Variants in HDAC9 observed in about 807,000 individuals in gnomAD.
The protein encoded by HDAC9 is MEF-2 interacting transcription repressor (MITR) protein.
In HDAC9, 41 loss-of-function variants were observed where a neutral mutation model predicts 139.4. That is an observed-to-expected ratio of 0.29 (90% CI 0.23 to 0.38). HDAC9 has a LOEUF of 0.38. HDAC9 is among the 10% of genes least tolerant of loss of function. The pLI, the probability that HDAC9 is intolerant of heterozygous loss-of-function variation, is 1.00. For synonymous variants in HDAC9, 517 were observed against 476.2 expected (o/e 1.09, Z -1.12); for missense variants, 1,147 against 1,297.0 (o/e 0.88, Z 1.78).
At chr7:18,476,681 T>C (rs62446978) in intron 1 of HDAC9, among the ~76,000 whole-genome samples, 3,289 of 152,314 alleles carry the variant, frequency 0.022, 54 homozygotes, top group Non-Finnish European at 0.031. Context: ...AAAAGTCCAA[T>C]TAAATATCTT....
At chr7:18,763,829 T>TA (rs1789597303) in intron 15 of HDAC9, among the ~76,000 whole-genome samples, 1 of 152,128 alleles carries the variant, frequency 6.6e-6, no homozygotes, top group Non-Finnish European at 1.5e-5. Flanking sequence ...CCCCACTTTT[T>TA]AAAAATCTCT....
At chr7:18,615,063 C>T (rs529763637) in intron 6 of HDAC9, among the ~76,000 whole-genome samples, 28 of 152,188 alleles carry the variant, frequency 1.8e-4, no homozygotes, top group South Asian at 6.2e-4. Flanking sequence ...AATGGTTTTC[C>T]TCAGTGTCTT....
intron 17 of HDAC9, among the ~76,000 whole-genome samples, chr7:18,818,996 C>G (rs1794769288): frequency 6.6e-6 from 1 of 151,974 alleles, no homozygotes; most frequent in Non-Finnish European, 1.5e-5. Flanking sequence ...AAAAAAATGT[C>G]TAGCCAGGTA....
In HDAC9 at chr7:19,000,863, C is replaced by G. The variant is rs1481054476; in HGVS notation, c.*4801C>G. 2 of 152,152 alleles carry G rather than the reference C, an allele frequency of 1.3e-5. No homozygotes were observed. The highest frequency in any genetic ancestry group is 4.8e-5 in the African/African-American group (2 of 41,440). 9.4% of individuals were successfully genotyped at this position (152,152 alleles called of 1,614,324 possible). On this transcript the variant is annotated 3_prime_UTR_variant, in exon 26 of 26. Coordinates refer to ENST00000686413, the MANE Select transcript of HDAC9 (RefSeq NM_178425.4). ...TCAAAAGTTTCTGAAATCTCTGTTT[C>G]CTTAGTAGAAATGACCTTGACAACT...
intron 2 of HDAC9, among the ~76,000 whole-genome samples, chr7:18,547,767 A>G (rs1421478154): frequency 6.6e-6 from 1 of 151,596 alleles, no homozygotes; most frequent in East Asian, 1.9e-4. Flanking sequence ...CACAGTGTTC[A>G]CAGCATCTTC....
intron 2 of HDAC9, among the ~76,000 whole-genome samples, chr7:18,252,265 C>T (rs1441434464): frequency 2.0e-5 from 3 of 152,126 alleles, no homozygotes; most frequent in Admixed American, 6.5e-5. Flanking sequence ...TCAATGTGGC[C>T]ACTGGTTCCA....
At chr7:18,550,285 A>G (rs922684227) in intron 2 of HDAC9, among the ~76,000 whole-genome samples, 1 of 152,156 alleles carries the variant, frequency 6.6e-6, no homozygotes, top group Non-Finnish European at 1.5e-5. Context: ...TTACTGTACT[A>G]TATTCGATCC....
chr7:18,933,335 C>T (rs1045297456), intron 22 of HDAC9, among the ~76,000 whole-genome samples: 2 of 151,824 alleles, frequency 1.3e-5, no homozygotes, highest in African/African-American at 2.4e-5. Flanking sequence ...ATCTAATTTA[C>T]GAGGACTCTA....
chr7:18,632,632 G>A (rs1782681228), intron 7 of HDAC9, among the ~76,000 whole-genome samples: 1 of 152,082 alleles, frequency 6.6e-6, no homozygotes, highest in Non-Finnish European at 1.5e-5. Flanking sequence ...TACAGAAAGG[G>A]CAATGGTGGG....
chr7:18,108,649 T>G (rs1307944873), intron 1 of HDAC9, among the ~76,000 whole-genome samples: 1 of 134,720 alleles, frequency 7.4e-6, no homozygotes, highest in Non-Finnish European at 1.5e-5. Context: ...GGAGTCTCAC[T>G]CTTGCCCAGG....
At chr7:18,970,493 C>T (rs927928155) in intron 24 of HDAC9, among the ~76,000 whole-genome samples, 6 of 152,090 alleles carry the variant, frequency 3.9e-5, no homozygotes, top group African/African-American at 1.2e-4. Context: ...TTTTTATCCC[C>T]ATTTAGCCTC....
chr7:18,571,982 T>C (rs560680451), intron 2 of HDAC9, among the ~76,000 whole-genome samples: 179 of 152,048 alleles, frequency 1.2e-3, no homozygotes, highest in African/African-American at 4.0e-3. Flanking sequence ...TTTTTTTTTT[T>C]CTGTCAAAAT....
At chr7:18,708,091 C>T (rs1207361987) in intron 12 of HDAC9, among the ~76,000 whole-genome samples, 1 of 151,930 alleles carries the variant, frequency 6.6e-6, no homozygotes, top group Non-Finnish European at 1.5e-5. Flanking sequence ...ATCGCTTCAA[C>T]TGAAAAATGA....
rs115343097 is a variant in HDAC9, at chr7:18,707,940, T to C, written c.1732-19640T>C. ...GAAGCGATGAGAGCATTTTTGTATA[T>C]TGAGGGGAGACAGACAGTACATGCT... On this transcript the variant is annotated intron_variant, in intron 12 of 25. Transcript: ENST00000686413. Among the ~76,000 whole-genome samples, 572 of 151,828 alleles carry C rather than the reference T, an allele frequency of 3.8e-3. 3 individuals carry two copies. The highest frequency in any genetic ancestry group is 0.013 in the African/African-American group (550 of 41,352).
intron 6 of HDAC9, among the ~76,000 whole-genome samples, chr7:18,607,950 A>G (rs1835983865): frequency 6.6e-6 from 1 of 152,208 alleles, no homozygotes; most frequent in Non-Finnish European, 1.5e-5. Flanking sequence ...CTCATTTAGA[A>G]CAGGCAGGAC....
At chr7:18,156,843 G>A (rs934759842) in intron 1 of HDAC9, among the ~76,000 whole-genome samples, 3 of 152,126 alleles carry the variant, frequency 2.0e-5, no homozygotes, top group South Asian at 2.1e-4. Context: ...TTCAAGATAC[G>A]GCTGGGTGTG....
Position 18,496,004 on chromosome 7 carries a change from C to A in HDAC9, c.-61C>A, listed in dbSNP as rs1796837435. The A allele has an allele frequency of 7.1e-7, 1 of 1,411,418 alleles. No homozygotes were observed. Among genetic ancestry groups the A allele is most frequent in the African/African-American group, 1.4e-5 (1 of 69,098 alleles). 87.4% of individuals were successfully genotyped at this position (1,411,418 alleles called of 1,614,324 possible). A position where few individuals can be genotyped will look rare whatever the true frequency, so the allele number is the denominator to read the frequency against. ...CAGAGAGCTATAGCATCCACTCTGT[C>A]CTTTCTGCTTTGCACACAGGTTGGT... On this transcript the variant is annotated 5_prime_UTR_variant, in exon 1 of 26. Coordinates refer to ENST00000686413, the MANE Select transcript of HDAC9 (RefSeq NM_178425.4).
intron 12 of HDAC9, among the ~76,000 whole-genome samples, chr7:18,724,726 A>G (rs1321635045): frequency 6.6e-6 from 1 of 152,136 alleles, no homozygotes; most frequent in Admixed American, 6.5e-5. Flanking sequence ...TCTATCCTTG[A>G]CCAAAATGTT....
intron 2 of HDAC9, among the ~76,000 whole-genome samples, chr7:18,575,192 C>A (rs1825633688): frequency 6.6e-6 from 1 of 152,180 alleles, no homozygotes; most frequent in Non-Finnish European, 1.5e-5. Context: ...TAATGAAGAG[C>A]CTTCAGTAAT....
Sources: allele counts gnomAD v4.1 joint callset (sites outside exome capture counted in the v4.1 genomes callset), GRCh38; gene constraint gnomAD v4.1.1; transcripts MANE v1.5; gene names NCBI Gene and HGNC (gene_info 2026-07-23, HGNC 2026-07-21).